The following CDC42BPA variants were observed in gnomAD, a reference collection of about 807,000 sequenced individuals.
CDC42BPA encodes serine/threonine-protein kinase MRCK alpha.
A neutral mutation model predicts 223.5 loss-of-function variants in CDC42BPA; 80 were observed. That is an observed-to-expected ratio of 0.36 (90% CI 0.30 to 0.43). The LOEUF (loss-of-function observed/expected upper bound fraction) is 0.43, where lower values mean the gene tolerates loss of function less well. Ranked by LOEUF, CDC42BPA falls within the 20% of genes least tolerant of loss-of-function variation. The probability of loss-of-function intolerance (pLI) is 1.00; values close to 1 mark genes in which losing one functional copy is unlikely to be tolerated. For missense variants in CDC42BPA, 1,743 were observed against 2,099.9 expected, an observed-to-expected ratio of 0.83 and a Z score of 3.32; for synonymous variants, 694 against 718.6, an observed-to-expected ratio of 0.97 and a Z score of 0.55.
At chr1:227,013,933 A>T (rs1665711422) in intron 34 of CDC42BPA, among the ~76,000 whole-genome samples, 1 of 152,162 alleles carries the variant, frequency 6.6e-6, no homozygotes, top group Non-Finnish European at 1.5e-5. Context: ...ACAGCACTTG[A>T]CTTATCAAAT....
chr1:227,132,962 C>T (rs896981015), intron 10 of CDC42BPA, among the ~76,000 whole-genome samples: 1 of 150,174 alleles, frequency 6.7e-6, no homozygotes, highest in African/African-American at 2.5e-5. Context: ...AAGTGAGGAG[C>T]CCCGCCGTCC....
intron 35 of CDC42BPA, among the ~76,000 whole-genome samples, chr1:227,001,140 G>C (rs1428564771): frequency 1.3e-5 from 2 of 152,212 alleles, no homozygotes; most frequent in Admixed American, 6.5e-5. Flanking sequence ...TGAAATCGTT[G>C]AGTCTGGCTG....
At chr1:227,165,717 T>C (rs1664920296) in intron 5 of CDC42BPA, among the ~76,000 whole-genome samples, 1 of 152,020 alleles carries the variant, frequency 6.6e-6, no homozygotes, top group South Asian at 2.1e-4. Context: ...GCAAAAGAAG[T>C]CTTTACAAAC....
At chr1:227,251,713 G>A (rs1682036874) in intron 2 of CDC42BPA, among the ~76,000 whole-genome samples, 1 of 151,970 alleles carries the variant, frequency 6.6e-6, no homozygotes, top group African/African-American at 2.4e-5. Context: ...AGCAAAAACT[G>A]AAAGAAATAA....
intron 1 of CDC42BPA, among the ~76,000 whole-genome samples, chr1:227,306,664 T>C (rs1018945317): frequency 6.6e-6 from 1 of 152,218 alleles, no homozygotes; most frequent in Non-Finnish European, 1.5e-5. Context: ...TGATATCATA[T>C]GTCAGCTTCA....
chr1:226,997,246 A>C (rs1300964721), intron 35 of CDC42BPA, among the ~76,000 whole-genome samples: 2 of 152,122 alleles, frequency 1.3e-5, no homozygotes, highest in Non-Finnish European at 2.9e-5. Flanking sequence ...ATTTCTGTAG[A>C]GGTGTTTATA....
intron 34 of CDC42BPA, among the ~76,000 whole-genome samples, chr1:227,007,472 G>A (rs547130068): frequency 6.6e-6 from 1 of 152,278 alleles, no homozygotes; most frequent in South Asian, 2.1e-4. Flanking sequence ...AGTCACCTGT[G>A]AATTCACCAG....
chr1:227,112,348 A>G lies in CDC42BPA; in HGVS notation c.1965T>C (p.Tyr655=). Residue 655 remains tyrosine (Y), a synonymous_variant, in exon 14 of 37, where the codon TAT becomes TAC. Coordinates refer to ENST00000366766, the MANE Select transcript of CDC42BPA (RefSeq NM_001394014.1). The part of the protein sequence containing the change: ...DRKLREQSEH[Y]SKQLENELEG... ...CCAATTCATTTTCCAGTTGCTTAGAATAGTGCTCACTCTGTTCACGTAGCT... is the reference window on the plus strand; with the variant it reads ...CCAATTCATTTTCCAGTTGCTTAGAGTAGTGCTCACTCTGTTCACGTAGCT... The G allele has an allele frequency of 1.9e-6, 3 of 1,605,330 alleles. No individual in the cohort carries two copies. The highest frequency in any genetic ancestry group is 2.6e-6 in the Non-Finnish European group (3 of 1,175,908).
At chr1:227,254,200 A>T (rs549414711) in intron 1 of CDC42BPA, 45 bp from the exon 2 acceptor site, 1 of 985,228 alleles carries the variant, frequency 1.0e-6, no homozygotes, top group African/African-American at 1.6e-5. Flanking sequence ...ATAAAATGTG[A>T]TGCAAATTAG....
intron 11 of CDC42BPA, among the ~76,000 whole-genome samples, chr1:227,122,529 T>C (rs1026053430): frequency 6.6e-6 from 1 of 152,226 alleles, no homozygotes; most frequent in Non-Finnish European, 1.5e-5. Context: ...AGCCATTTCA[T>C]TCTGGCTGCT....
chr1:227,180,116 G>C (rs1667689618), intron 5 of CDC42BPA, among the ~76,000 whole-genome samples: 1 of 152,144 alleles, frequency 6.6e-6, no homozygotes, highest in South Asian at 2.1e-4. Context: ...TGAGGCACGA[G>C]ACTCGCTTGA....
intron 1 of CDC42BPA, among the ~76,000 whole-genome samples, chr1:227,270,747 C>CCCA (rs1440080321): frequency 6.6e-6 from 1 of 152,132 alleles, no homozygotes; most frequent in Non-Finnish European, 1.5e-5. Context: ...CCCTCCCCGA[C>CCCA]CCACCACCAC....
chr1:227,111,994 T>C (rs1294543846), intron 14 of CDC42BPA: 3 of 193,994 alleles, frequency 1.5e-5, no homozygotes, highest in Non-Finnish European at 1.0e-5. Flanking sequence ...GAGTCATTTA[T>C]GAGATATATA....
intron 1 of CDC42BPA, among the ~76,000 whole-genome samples, chr1:227,290,962 T>C (rs1689590364): frequency 6.6e-6 from 1 of 152,194 alleles, no homozygotes; most frequent in Non-Finnish European, 1.5e-5. Flanking sequence ...CTGTTTGTTG[T>C]CTAGACAGAA....
chr1:227,290,614 A>G (rs1689534459), intron 1 of CDC42BPA, among the ~76,000 whole-genome samples: 1 of 152,220 alleles, frequency 6.6e-6, no homozygotes, highest in Non-Finnish European at 1.5e-5. Flanking sequence ...TGGTTTCCAA[A>G]TGAGCACTAT....
chr1:227,293,538 T>A (rs565454835), intron 1 of CDC42BPA, among the ~76,000 whole-genome samples: 4 of 137,274 alleles, frequency 2.9e-5, no homozygotes, highest in Non-Finnish European at 4.8e-5. Context: ...AAAAAAAAGA[T>A]CTATTGCTGG....
At chr1:227,089,038 T>C (rs1275974703) in intron 16 of CDC42BPA, among the ~76,000 whole-genome samples, 3 of 152,196 alleles carry the variant, frequency 2.0e-5, no homozygotes, top group Non-Finnish European at 2.9e-5. Context: ...CAATGAATTA[T>C]CTTTTAATAG....
At chr1:227,051,314 G>T (rs1673480271) in intron 22 of CDC42BPA, among the ~76,000 whole-genome samples, 1 of 152,186 alleles carries the variant, frequency 6.6e-6, no homozygotes, top group African/African-American at 2.4e-5. Flanking sequence ...TGGAAGAAAT[G>T]ATCTCTGTTA....
At chr1:227,272,548 A>C (rs959463444) in intron 1 of CDC42BPA, among the ~76,000 whole-genome samples, 2 of 151,984 alleles carry the variant, frequency 1.3e-5, no homozygotes, top group African/African-American at 4.8e-5. Flanking sequence ...ATATAGTAAG[A>C]AAAAAAAGAA....
Sources: gnomAD v4.1 joint callset for allele counts (sites outside exome capture counted in the v4.1 genomes callset) on GRCh38, gnomAD v4.1.1 for gene constraint, MANE v1.5 for transcripts, NCBI Gene and HGNC (gene_info 2026-07-23, HGNC 2026-07-21) for gene names.